DDX60: variants seen among roughly 807,000 people sequenced by gnomAD.
DDX60 encodes DExD/H-box helicase 60, also known as probable ATP-dependent RNA helicase DDX60.
A neutral mutation model predicts 212.8 loss-of-function variants in DDX60; 165 were observed. That is an observed-to-expected ratio of 0.78 (90% CI 0.68 to 0.88). DDX60 has a LOEUF of 0.88. Among genes scored for constraint, DDX60 ranks in the 40% least tolerant of loss-of-function variants. The pLI is 0.00. For synonymous variants in DDX60, 703 were observed against 685.3 expected, an observed-to-expected ratio of 1.03 and a Z score of -0.40; for missense variants, 1,905 against 2,003.9, an observed-to-expected ratio of 0.95 and a Z score of 0.94.
rs116725761 is a variant in DDX60, at chr4:168,239,530, G to T, written c.4165-1735C>A. Among the ~76,000 whole-genome samples the T allele has an allele frequency of 1.7e-3, 259 of 152,244 alleles. 1 individual carries two copies. The highest frequency in any genetic ancestry group is 0.016 in the South Asian group (77 of 4,826). ...GAACTGATGAGAACTCTATTTAACT[G>T]AATAAGGAACATTGTCAATGCAGCA... On this transcript the variant is annotated intron_variant, in intron 30 of 37. Transcript: ENST00000393743.
intron 3 of DDX60, among the ~76,000 whole-genome samples, chr4:168,310,259 C>T (rs1205393132): frequency 6.6e-6 from 1 of 152,002 alleles, no homozygotes; most frequent in Non-Finnish European, 1.5e-5. Context: ...GTCATAAGAA[C>T]CTTTAAGGCT....
intron 12 of DDX60, among the ~76,000 whole-genome samples, chr4:168,284,483 C>T (rs1000036310): frequency 2.0e-5 from 3 of 152,110 alleles, no homozygotes; most frequent in African/African-American, 7.2e-5. Flanking sequence ...TGCAGCCAAT[C>T]GGGTGTTATC....
Position 168,225,807 on chromosome 4 carries a change from T to A in DDX60, c.4534-131A>T, listed in dbSNP as rs1411186544. The A allele has an allele frequency of 2.4e-5, 20 of 832,850 alleles. No homozygotes were observed. The East Asian group carries it at 6.0e-4, about 25-fold the overall frequency. 51.6% of individuals were successfully genotyped at this position (832,850 alleles called of 1,614,324 possible). A position where few individuals can be genotyped will look rare whatever the true frequency, so the allele number is the denominator to read the frequency against. ...ATCTATTAATATTTATTCAATAATG[T>A]CACTGTTTCATTTTTTCACTGGTGA... is the stretch of plus-strand genomic sequence containing the variant. On this transcript the variant is annotated intron_variant, in intron 33 of 37. Transcript: ENST00000393743.
intron 37 of DDX60, among the ~76,000 whole-genome samples, chr4:168,219,685 T>C (rs545478968): frequency 3.3e-5 from 5 of 152,154 alleles, no homozygotes; most frequent in East Asian, 3.9e-4. Context: ...TAAAAAGGGA[T>C]AGGACGAAGC....
intron 5 of DDX60, among the ~76,000 whole-genome samples, chr4:168,305,240 T>C (rs1466355648): frequency 6.6e-6 from 1 of 152,190 alleles, no homozygotes; most frequent in Non-Finnish European, 1.5e-5. Context: ...TACACAACAG[T>C]GAAATCGTCT....
chr4:168,236,327 T>A lies in DDX60; in HGVS notation c.4458A>T (p.Val1486=). The change falls in exon 33 of 38, where the codon GTA becomes GTT. Residue 1486 remains valine (V), a synonymous_variant. Coordinates refer to ENST00000393743, the MANE Select transcript of DDX60 (RefSeq NM_017631.6). ...ATCTTCTTCCAAAGAGATGTGCCAA[T>A]ACTAATACTAGCTTTTCCATAACGT... ...SQDVMEKLVL[V]LAHLFGRRYF... 6.2e-7 allele frequency: 1 copy of A among 1,610,520 alleles called. No individual in the cohort carries two copies. Among genetic ancestry groups the A allele is most frequent in the South Asian group, 1.1e-5 (1 of 90,706 alleles).
chr4:168,319,620 G>T (rs1737551586), upstream of DDX60, among the ~76,000 whole-genome samples: 1 of 152,076 alleles, frequency 6.6e-6, no homozygotes, highest in South Asian at 2.1e-4. Flanking sequence ...CTTAATTTTT[G>T]CCTGTTGATA....
At chr4:168,250,644 A>G (rs1033808480) in intron 28 of DDX60, among the ~76,000 whole-genome samples, 1 of 151,164 alleles carries the variant, frequency 6.6e-6, no homozygotes, top group African/African-American at 2.4e-5. Flanking sequence ...TTCTGCCTCA[A>G]CTTCCTGAAT....
intron 37 of DDX60, among the ~76,000 whole-genome samples, chr4:168,219,959 C>T (rs547173357): frequency 1.3e-5 from 2 of 152,020 alleles, no homozygotes; most frequent in African/African-American, 4.8e-5. Flanking sequence ...CTGCTTGAAC[C>T]CAGGAGGCAG....
chr4:168,322,051 A>T (rs182340037), upstream of DDX60, among the ~76,000 whole-genome samples: 1 of 152,274 alleles, frequency 6.6e-6, no homozygotes, highest in East Asian at 1.9e-4. Flanking sequence ...TCTCAGGCCC[A>T]TTAGCCTAAA....
intron 30 of DDX60, among the ~76,000 whole-genome samples, chr4:168,240,527 G>A (rs1013102342): frequency 1.3e-5 from 2 of 152,038 alleles, no homozygotes; most frequent in Non-Finnish European, 2.9e-5. Flanking sequence ...ACAATCCTAA[G>A]CAAAAAGAAC....
chr4:168,227,990 A>G (rs1218468265), intron 33 of DDX60, among the ~76,000 whole-genome samples: 1 of 152,090 alleles, frequency 6.6e-6, no homozygotes, highest in Non-Finnish European at 1.5e-5. Context: ...ATGTCACTTA[A>G]TGGCAGGGAT....
the DDX60 span, among the ~76,000 whole-genome samples, chr4:168,324,796 C>G: frequency 1.3e-5 from 2 of 152,146 alleles, no homozygotes; most frequent in Non-Finnish European, 2.9e-5. Context: ...ATGAGTATCC[C>G]AAATGAATCT....
chr4:168,220,506 T>C (rs1268649209), intron 37 of DDX60, 149 bp downstream of exon 37: 2 of 531,014 alleles, frequency 3.8e-6, no homozygotes, highest in Non-Finnish European at 3.3e-6. Context: ...ACAGACATTC[T>C]GCAGAGCCTT....
At chr4:168,241,252 G>A (rs1733826286) in intron 30 of DDX60, among the ~76,000 whole-genome samples, 1 of 152,166 alleles carries the variant, frequency 6.6e-6, no homozygotes, top group African/African-American at 2.4e-5. Flanking sequence ...TCAGCAGCAT[G>A]AAAACAGACT....
At chr4:168,224,469 C>G (rs2149491175) in intron 34 of DDX60, 84 bp from the exon 35 acceptor site, 1 of 1,331,046 alleles carries the variant, frequency 7.5e-7, no homozygotes, top group South Asian at 1.3e-5. Flanking sequence ...GACCATGTTA[C>G]AAGGGGAGCC....
At chr4:168,309,322 G>C (rs546567142) in intron 3 of DDX60, among the ~76,000 whole-genome samples, 2 of 152,308 alleles carry the variant, frequency 1.3e-5, no homozygotes, top group East Asian at 1.9e-4. Flanking sequence ...AGAAAGTCAT[G>C]ACATTACAAG....
intron 3 of DDX60, among the ~76,000 whole-genome samples, chr4:168,310,577 G>A (rs1396443047): frequency 4.6e-5 from 7 of 152,114 alleles, no homozygotes; most frequent in Non-Finnish European, 1.0e-4. Context: ...TTTGCATTTG[G>A]AAAAGACTAG....
chr4:168,233,859 T>A (rs928420243), intron 33 of DDX60, among the ~76,000 whole-genome samples: 7 of 150,460 alleles, frequency 4.7e-5, no homozygotes, highest in Admixed American at 4.0e-4. Context: ...CCTACTGAAA[T>A]AAAAAAAAAT....
Sources: gnomAD v4.1 joint callset for allele counts (sites outside exome capture counted in the v4.1 genomes callset) on GRCh38, gnomAD v4.1.1 for gene constraint, MANE v1.5 for transcripts, NCBI Gene and HGNC (gene_info 2026-07-23, HGNC 2026-07-21) for gene names.